NNT: variants seen among roughly 807,000 people sequenced by gnomAD.
NNT encodes nicotinamide nucleotide transhydrogenase, also known as NAD(P) transhydrogenase, mitochondrial.
In NNT, 50 loss-of-function variants were observed where a neutral mutation model predicts 104.8. The observed-to-expected ratio is 0.48, with a 90% CI of 0.38 to 0.60. NNT has a LOEUF of 0.60. NNT is among the 20% of genes least tolerant of loss of function. NNT has a pLI of 0.00. For synonymous variants in NNT, 461 were observed against 490.4 expected (o/e 0.94, Z 0.79); for missense variants, 1,131 against 1,330.7 (o/e 0.85, Z 2.33).
At chr5:43,644,047 A>T (rs1751375131) in intron 7 of NNT, 145 bp from the exon 8 acceptor site, 2 of 706,030 alleles carry the variant, frequency 2.8e-6, no homozygotes, top group Non-Finnish European at 4.7e-6. Context: ...AGTCTCACCC[A>T]TGCTATGGTC....
chr5:43,690,687 C>G lies in NNT; in HGVS notation c.2877-9432C>G, dbSNP rs576440515. On this transcript the variant is annotated intron_variant, in intron 19 of 21. Transcript: ENST00000344920. ...AGACCATTGGTTGAAATCCCTCCCC[C>G]ACCTTCCATAAATAAAAGGCTGTCC... 9.2e-5 allele frequency among the ~76,000 whole-genome samples: 14 copies of G among 152,262 alleles called. No individual in the cohort carries two copies. In the East Asian group the frequency reaches 1.7e-3, roughly 19 times the overall value.
chr5:43,609,220 G>C lies in NNT; in HGVS notation c.25G>C (p.Val9Leu). 2.5e-6 allele frequency: 4 copies of C among 1,613,966 alleles called. No homozygotes were observed. The highest frequency in any genetic ancestry group is 3.4e-6 in the Non-Finnish European group (4 of 1,179,922). The change falls in exon 2 of 22, where the codon GTG becomes CTG. Residue 9 changes from valine (V) to leucine (L), a missense_variant. By Grantham distance (32) the Val-to-Leu change is conservative. Transcript: ENST00000344920. The stretch of plus-strand genomic sequence containing the variant: ...CATGGCAAACCTATTGAAAACAGTG[G>C]TGACTGGCTGCTCGTGTCCTCTACT... MANLLKTV[V>L]TGCSCPLLSN...
chr5:43,627,329 G>A (rs1002686460), intron 6 of NNT, among the ~76,000 whole-genome samples: 4 of 152,152 alleles, frequency 2.6e-5, no homozygotes, highest in Non-Finnish European at 4.4e-5. Flanking sequence ...CTCAGATCAC[G>A]GTTTCCCAAA....
intron 6 of NNT, among the ~76,000 whole-genome samples, chr5:43,624,715 AG>A (rs1335934721): frequency 1.3e-5 from 2 of 152,238 alleles, no homozygotes; most frequent in Non-Finnish European, 2.9e-5. Flanking sequence ...TTGTCTTTAA[AG>A]AGAAGTTTGA....
At chr5:43,662,893 CAAAAA>C (rs34800286) in intron 17 of NNT, among the ~76,000 whole-genome samples, 1 of 79,610 alleles carries the variant, frequency 1.3e-5, no homozygotes. Context: ...GACCCTGTCT[CAAAAA>C]AAAAAAAAAA....
intron 20 of NNT, among the ~76,000 whole-genome samples, chr5:43,702,232 A>G (rs1480409505): frequency 6.6e-6 from 1 of 152,122 alleles, no homozygotes; most frequent in East Asian, 1.9e-4. Context: ...TTGGATTCTT[A>G]TAGTTTGAGG....
In NNT at chr5:43,705,765, C is replaced by CTGTG. The variant is rs1264618564; in HGVS notation, c.*1363_*1366dup. 1.4e-4 allele frequency: 20 copies of CTGTG among 143,104 alleles called. No homozygotes were observed. The highest frequency in any genetic ancestry group is 5.5e-4 in the African/African-American group (20 of 36,042). 8.9% of individuals were successfully genotyped at this position (143,104 alleles called of 1,614,324 possible). A position where few individuals can be genotyped will look rare whatever the true frequency, so the allele number is the denominator to read the frequency against. On this transcript the variant is annotated 3_prime_UTR_variant, in exon 22 of 22. Coordinates refer to ENST00000344920, the MANE Select transcript of NNT (RefSeq NM_182977.3). ...ATTTTGCTGTGCCTGAGATTAAGAT[C>CTGTG]TGTGTATGTGTGTGTGTGTGTGTGT...
chr5:43,681,191 T>C (rs10068765), intron 19 of NNT, among the ~76,000 whole-genome samples: 21,239 of 136,140 alleles, frequency 0.16, 2,206 homozygotes, highest in African/African-American at 0.31. Flanking sequence ...ACCCAGGAGG[T>C]GGAGCTCGCA....
rs902945358 is a variant in NNT at position 43,647,395 on chromosome 5, C to A, written c.1445-1752C>A. Among the ~76,000 whole-genome samples the A allele has an allele frequency of 9.2e-5, 14 of 152,138 alleles. 1 individual carries two copies. The highest frequency in any genetic ancestry group is 2.6e-4 in the Admixed American group (4 of 15,280). ...GGCACATATAATGATTTATTTTTCT[C>A]AGTTTCTCTTATATTTCTTGAATCA... On this transcript the variant is annotated intron_variant, in intron 10 of 21. Transcript: ENST00000344920.
At chr5:43,690,514 C>T (rs1388557389) in intron 19 of NNT, among the ~76,000 whole-genome samples, 1 of 152,030 alleles carries the variant, frequency 6.6e-6, no homozygotes, top group Non-Finnish European at 1.5e-5. Context: ...TTTTTGGTGT[C>T]CAATATTACT....
intron 10 of NNT, among the ~76,000 whole-genome samples, chr5:43,648,617 G>A (rs979808866): frequency 1.3e-5 from 2 of 152,160 alleles, no homozygotes; most frequent in Non-Finnish European, 2.9e-5. Flanking sequence ...GTGGGTGGAA[G>A]CCATATGTTT....
At position 43,702,600 on chromosome 5, in the gene NNT, CT is replaced by C; in HGVS notation, c.2996-15del. The C allele has an allele frequency of 1.4e-6, 2 of 1,459,144 alleles. No homozygotes were observed. The highest frequency in any genetic ancestry group is 2.6e-5 in the South Asian group (2 of 76,834). 90.4% of individuals were successfully genotyped at this position (1,459,144 alleles called of 1,614,324 possible). On this transcript the variant is annotated intron_variant, in intron 20 of 21. Transcript: ENST00000344920. ...TGACCATTTGAGTTTTATATTCTTT[CT>C]TTTTTGTTTTATTATATAGATACTG...
chr5:43,644,150 AAAT>A, intron 7 of NNT, 39 bp from the exon 8 acceptor site: 1 of 1,548,788 alleles, frequency 6.5e-7, no homozygotes, highest in Non-Finnish European at 8.8e-7. Context: ...AGGTGTTAGA[AAAT>A]GATAATACAA....
At chr5:43,635,051 T>A (rs367902335) in intron 7 of NNT, among the ~76,000 whole-genome samples, 3 of 152,216 alleles carry the variant, frequency 2.0e-5, no homozygotes, top group South Asian at 2.1e-4. Context: ...TTACTGCTAA[T>A]GTACTAGTAC....
At chr5:43,673,884 G>A (rs1741265137) in intron 17 of NNT, among the ~76,000 whole-genome samples, 1 of 152,086 alleles carries the variant, frequency 6.6e-6, no homozygotes, top group Non-Finnish European at 1.5e-5. Flanking sequence ...GCCAGGTGTG[G>A]TGGCATGCAC....
intron 7 of NNT, among the ~76,000 whole-genome samples, chr5:43,641,445 A>G (rs1299651891): frequency 6.6e-6 from 1 of 152,130 alleles, no homozygotes; most frequent in Non-Finnish European, 1.5e-5. Context: ...AAATTAAAAC[A>G]TTTTGGAGAT....
In NNT at chr5:43,656,982, G is replaced by T. The variant is rs1740089334; in HGVS notation, c.2454+169G>T. ...TAGAATCTGGAAAACATAGAAGAGT[G>T]TAGGAAGAACATTATTCTTTCTTGC... On this transcript the variant is annotated intron_variant, in intron 16 of 21. Coordinates refer to ENST00000344920, the MANE Select transcript of NNT (RefSeq NM_182977.3). Among the ~76,000 whole-genome samples the T allele has an allele frequency of 1.3e-5, 2 of 152,204 alleles. 1 individual carries two copies. The highest frequency in any genetic ancestry group is 4.1e-4 in the South Asian group (2 of 4,830).
intron 17 of NNT, among the ~76,000 whole-genome samples, chr5:43,666,600 G>A (rs941329827): frequency 2.0e-5 from 3 of 151,976 alleles, no homozygotes; most frequent in Admixed American, 6.6e-5. Flanking sequence ...GAGGGGGAGG[G>A]GGAGGGAGAG....
At chr5:43,660,070 A>T (rs1445304883) in intron 17 of NNT, among the ~76,000 whole-genome samples, 1 of 152,244 alleles carries the variant, frequency 6.6e-6, no homozygotes, top group Non-Finnish European at 1.5e-5. Context: ...GTGATCCATC[A>T]TATGGATATA....
Sources: gnomAD v4.1 joint callset for allele counts (sites outside exome capture counted in the v4.1 genomes callset) on GRCh38, gnomAD v4.1.1 for gene constraint, MANE v1.5 for transcripts, NCBI Gene and HGNC (gene_info 2026-07-23, HGNC 2026-07-21) for gene names.